Variants in RERE observed in about 807,000 individuals in gnomAD.
RERE encodes arginine-glutamic acid dipeptide repeats.
Under a neutral mutation model 146.1 loss-of-function variants are expected in RERE, and 40 were observed. The ratio of observed to expected loss-of-function variants is 0.27; its 90% CI spans 0.21 to 0.36. RERE has a LOEUF of 0.36. Ranked by LOEUF, RERE falls within the 10% of genes least tolerant of loss-of-function variation. RERE has a pLI of 1.00. For synonymous variants in RERE, 1,003 were observed against 866.0 expected (o/e 1.16, Z -2.78); for missense variants, 1,933 against 2,138.7 (o/e 0.90, Z 1.90).
chr1:8,648,870 T>C (rs1647454124), intron 2 of RERE, among the ~76,000 whole-genome samples: 1 of 151,772 alleles, frequency 6.6e-6, no homozygotes, highest in African/African-American at 2.4e-5. Flanking sequence ...TCAAACAAAA[T>C]TATCAGTTAA....
intron 1 of RERE, among the ~76,000 whole-genome samples, chr1:8,774,329 C>T (rs1641014725): frequency 6.7e-6 from 1 of 149,264 alleles, no homozygotes; most frequent in African/African-American, 2.5e-5. Flanking sequence ...AATATTATCT[C>T]CTTCATTTTG....
At chr1:8,585,677 T>G (rs115938828) in intron 4 of RERE, among the ~76,000 whole-genome samples, 2 of 152,126 alleles carry the variant, frequency 1.3e-5, no homozygotes, top group Non-Finnish European at 2.9e-5. Context: ...CAATAAGGAT[T>G]AGGAATTGCA....
chr1:8,736,851 G>GAAAAAA (rs34872965), intron 1 of RERE, among the ~76,000 whole-genome samples: 3 of 99,790 alleles, frequency 3.0e-5, no homozygotes, highest in Non-Finnish European at 6.0e-5. Flanking sequence ...AAGCAAGGGG[G>GAAAAAA]AAAAAAAAAA....
chr1:8,536,410 A>C (rs143490799), intron 7 of RERE, among the ~76,000 whole-genome samples: 3 of 152,312 alleles, frequency 2.0e-5, no homozygotes, highest in Non-Finnish European at 4.4e-5. Flanking sequence ...AGAAGGTGTT[A>C]GACAAATGAA....
rs1482941610 is a variant in RERE at position 8,358,315 on chromosome 1, G to A, written c.4220C>T (p.Ala1407Val). ...GGCCAGGGGATCGCTGGTCAGCGAT[G>A]CCATGCGCTCTGCGTGGATACGCTC... is the stretch of plus-strand genomic sequence containing the variant. Reference protein sequence around the residue: ...AAERIHAERMASLTSDPLARL... With the variant: ...AAERIHAERMVSLTSDPLARL... The change falls in exon 20 of 23, where the codon GCA becomes GTA. Residue 1407 changes from alanine to valine, a missense_variant. By Grantham distance (64) the Ala-to-Val change is moderately conservative. Coordinates refer to ENST00000400908, the MANE Select transcript of RERE (RefSeq NM_001042681.2). 1.2e-6 allele frequency: 2 copies of A among 1,613,630 alleles called. No individual in the cohort carries two copies. Among genetic ancestry groups the A allele is most frequent in the East Asian group, 2.2e-5 (1 of 44,870 alleles).
intron 7 of RERE, among the ~76,000 whole-genome samples, chr1:8,509,418 ATCCATCCATCCATCCATCCGTCCG>A (rs1418039095): frequency 2.5e-5 from 2 of 81,250 alleles, no homozygotes; most frequent in Admixed American, 1.7e-4. Flanking sequence ...CCATCCATCC[ATCCATCCATCCATCCATCCGTCCG>A]TCCGTCCGTC....
intron 1 of RERE, among the ~76,000 whole-genome samples, chr1:8,721,218 G>A (rs1012034018): frequency 1.3e-5 from 2 of 152,170 alleles, no homozygotes; most frequent in East Asian, 1.9e-4. Context: ...GCCCCTGAAC[G>A]ACAGCCTGGG....
rs578170741 is a variant in RERE at position 8,691,717 on chromosome 1, C to G, written c.-144-35276G>C. 3.9e-5 allele frequency among the ~76,000 whole-genome samples: 6 copies of G among 152,310 alleles called. No individual in the cohort carries two copies. In the South Asian group the frequency reaches 1.2e-3, roughly 32 times the overall value. The stretch of plus-strand genomic sequence containing the variant: ...AGGACCTGTAACAAGAATTAATGAA[C>G]TACATAACCATCAGGAGAGCCTATC... On this transcript the variant is annotated intron_variant, in intron 1 of 22. Coordinates refer to ENST00000400908, the MANE Select transcript of RERE (RefSeq NM_001042681.2).
intron 1 of RERE, among the ~76,000 whole-genome samples, chr1:8,748,745 C>G (rs979223577): frequency 2.0e-5 from 3 of 152,290 alleles, no homozygotes; most frequent in Admixed American, 6.5e-5. Context: ...CTTCCCAGCC[C>G]CAAAGGTGTG....
rs1031976493 is a variant in RERE, at chr1:8,669,053, T to C, written c.-144-12612A>G. On this transcript the variant is annotated intron_variant, in intron 1 of 22. Coordinates refer to ENST00000400908, the MANE Select transcript of RERE (RefSeq NM_001042681.2). ...GTGTGTGTGTGTGTGTGTGTGTGTG[T>C]GTGTGTGTGTGTGTGTGTGTGTGTT... is the stretch of plus-strand genomic sequence containing the variant. Among the ~76,000 whole-genome samples, 37 of 142,150 alleles carry C rather than the reference T, an allele frequency of 2.6e-4. 1 individual carries two copies. Among genetic ancestry groups the C allele is most frequent in the African/African-American group, 9.5e-4 (36 of 37,966 alleles). The allele number at this position is 142,150 out of a possible 152,430, so 93.3% of individuals were successfully genotyped here. A position where few individuals can be genotyped will look rare whatever the true frequency, so the allele number is the denominator to read the frequency against.
chr1:8,458,587 A>C (rs1212010318), intron 11 of RERE, among the ~76,000 whole-genome samples: 1 of 151,966 alleles, frequency 6.6e-6, no homozygotes, highest in Admixed American at 6.6e-5. Flanking sequence ...GCACACACAC[A>C]TATACATACA....
Position 8,766,508 on chromosome 1 carries a change from C to G in RERE, c.-145+50652G>C, listed in dbSNP as rs371356685. ...TCAGCCAAGAGCCAAGATTACACCA[C>G]TGCCCTCCAGCCTAGGCAACACAGC... On this transcript the variant is annotated intron_variant, in intron 1 of 22. Coordinates refer to ENST00000400908, the MANE Select transcript of RERE (RefSeq NM_001042681.2). Among the ~76,000 whole-genome samples, 18 of 147,174 alleles carry G rather than the reference C, an allele frequency of 1.2e-4. No homozygotes were observed. In the East Asian group the frequency reaches 3.4e-3, roughly 28 times the overall value.
chr1:8,361,134 G>A lies in RERE; in HGVS notation c.2373C>T (p.Pro791=). The A allele has an allele frequency of 6.9e-7, 1 of 1,446,134 alleles. No homozygotes were observed. Among genetic ancestry groups the A allele is most frequent in the Non-Finnish European group, 9.1e-7 (1 of 1,104,468 alleles). The allele number at this position is 1,446,134 out of a possible 1,614,324, so 89.6% of individuals were successfully genotyped here. A position where few individuals can be genotyped will look rare whatever the true frequency, so the allele number is the denominator to read the frequency against. The change falls in exon 18 of 23, where the codon CCC becomes CCT. Residue 791 remains proline, a synonymous_variant. Transcript: ENST00000400908. Reference sequence around the variant, plus strand: ...TGTGGGTGTGGGGAACAGGCGCTGTGGGAGCCTGTGGCTGGTTAGGGGCCT... The same window carrying A: ...TGTGGGTGTGGGGAACAGGCGCTGTAGGAGCCTGTGGCTGGTTAGGGGCCT... ...ASQAPNQPQA[P]TAPVPHTHIQ...
At chr1:8,385,846 G>A (rs1642619576) in intron 12 of RERE, among the ~76,000 whole-genome samples, 3 of 149,106 alleles carry the variant, frequency 2.0e-5, no homozygotes, top group Non-Finnish European at 3.0e-5. Flanking sequence ...GCGGGCGCCT[G>A]TAGTCCCAGC....
At chr1:8,661,604 T>C (rs1288018382) in intron 1 of RERE, among the ~76,000 whole-genome samples, 2 of 152,064 alleles carry the variant, frequency 1.3e-5, no homozygotes, top group Admixed American at 1.3e-4. Flanking sequence ...GAAAGTCTCA[T>C]GTTTGTATGT....
intron 10 of RERE, among the ~76,000 whole-genome samples, chr1:8,489,304 G>A (rs1374842412): frequency 6.6e-6 from 1 of 151,094 alleles, no homozygotes; most frequent in East Asian, 1.9e-4. Context: ...AGGTTACAGT[G>A]AGCTATAATC....
intron 10 of RERE, among the ~76,000 whole-genome samples, chr1:8,468,489 T>C (rs1367875859): frequency 6.6e-6 from 1 of 152,214 alleles, no homozygotes; most frequent in African/African-American, 2.4e-5. Flanking sequence ...TTAGTGATAA[T>C]TTGAAATCAA....
At chr1:8,599,943 A>C (rs1012637559) in intron 4 of RERE, among the ~76,000 whole-genome samples, 4 of 152,178 alleles carry the variant, frequency 2.6e-5, no homozygotes, top group African/African-American at 4.8e-5. Flanking sequence ...CACAGTAACC[A>C]TATTATATGG....
chr1:8,523,768 G>C (rs532148377), intron 7 of RERE, among the ~76,000 whole-genome samples: 4 of 152,150 alleles, frequency 2.6e-5, no homozygotes, highest in Non-Finnish European at 5.9e-5. Flanking sequence ...CCATCAAATA[G>C]ATGGCGGCAT....
Sources: allele counts gnomAD v4.1 joint callset (sites outside exome capture counted in the v4.1 genomes callset), GRCh38; gene constraint gnomAD v4.1.1; transcripts MANE v1.5; gene names NCBI Gene and HGNC (gene_info 2026-07-23, HGNC 2026-07-21).